The following KCND2 variants were observed in gnomAD, a reference collection of about 807,000 sequenced individuals.
The protein encoded by KCND2 is A-type voltage-gated potassium channel KCND2.
A neutral mutation model predicts 54.4 loss-of-function variants in KCND2; 16 were observed. The ratio of observed to expected loss-of-function variants is 0.29; its 90% confidence interval spans 0.20 to 0.45. The LOEUF (loss-of-function observed/expected upper bound fraction) is 0.45. Among genes scored for constraint, KCND2 ranks in the 20% least tolerant of loss-of-function variants. The pLI, the probability that KCND2 is intolerant of heterozygous loss-of-function variation, is 1.00. For synonymous variants in KCND2, 317 were observed against 310.7 expected (o/e 1.02, Z -0.21); for missense variants, 486 against 824.2 (o/e 0.59, Z 5.02).
chr7:120,578,140 T>C (rs1371429017), intron 1 of KCND2, among the ~76,000 whole-genome samples: 6 of 151,846 alleles, frequency 4.0e-5, no homozygotes. Context: ...GAAGAAAAAT[T>C]AGCCTGATGC....
At chr7:120,394,385 C>T (rs1037087656) in intron 1 of KCND2, among the ~76,000 whole-genome samples, 1 of 151,898 alleles carries the variant, frequency 6.6e-6, no homozygotes, top group Non-Finnish European at 1.5e-5. Context: ...CTGATGGGGT[C>T]AGCCTGAAAA....
At chr7:120,622,587 A>G (rs149797693) in intron 1 of KCND2, among the ~76,000 whole-genome samples, 1 of 152,100 alleles carries the variant, frequency 6.6e-6, no homozygotes, top group African/African-American at 2.4e-5. Context: ...TCAAGGAGTT[A>G]TAGCAGAATC....
chr7:120,536,300 A>C (rs1307133604), intron 1 of KCND2, among the ~76,000 whole-genome samples: 1 of 152,126 alleles, frequency 6.6e-6, no homozygotes, highest in Non-Finnish European at 1.5e-5. Context: ...AGTGAGTCTT[A>C]ATCTTTTTAC....
chr7:120,304,491 C>T (rs1258843501), intron 1 of KCND2, among the ~76,000 whole-genome samples: 1 of 152,146 alleles, frequency 6.6e-6, no homozygotes, highest in Non-Finnish European at 1.5e-5. Context: ...CATCAATCAC[C>T]TGGGAACTTG....
In KCND2 at chr7:120,297,056, T is replaced by G. The variant is rs189458207; in HGVS notation, c.1115+21309T>G. On this transcript the variant is annotated intron_variant, in intron 1 of 5. Transcript: ENST00000331113. ...ATTTGTATAATTTTATAGGTACAAG[T>G]GTGATTTTGTTACACGGATATATTG... 2.6e-5 allele frequency among the ~76,000 whole-genome samples: 4 copies of G among 152,192 alleles called. No individual in the cohort carries two copies. In the East Asian group the frequency reaches 7.7e-4, roughly 29 times the overall value.
intron 1 of KCND2, among the ~76,000 whole-genome samples, chr7:120,441,780 T>A (rs1344534439): frequency 1.3e-5 from 2 of 152,066 alleles, no homozygotes; most frequent in Non-Finnish European, 2.9e-5. Context: ...AATATGCTTA[T>A]CGGAGATAAA....
At chr7:120,585,073 C>T (rs1469439651) in intron 1 of KCND2, among the ~76,000 whole-genome samples, 1 of 152,046 alleles carries the variant, frequency 6.6e-6, no homozygotes, top group African/African-American at 2.4e-5. Flanking sequence ...GAAGGCATCT[C>T]GTAGTTCCTG....
chr7:120,635,523 A>G (rs564775836), intron 1 of KCND2, among the ~76,000 whole-genome samples: 4 of 152,350 alleles, frequency 2.6e-5, no homozygotes, highest in African/African-American at 4.8e-5. Context: ...GTTAAAATGT[A>G]AAAGATTGAA....
At chr7:120,480,686 A>G (rs73724216) in intron 1 of KCND2, among the ~76,000 whole-genome samples, 2,701 of 152,230 alleles carry the variant, frequency 0.018, 68 homozygotes, top group African/African-American at 0.062. Context: ...CCTGTTTTCC[A>G]CCATGGGATG....
intron 1 of KCND2, among the ~76,000 whole-genome samples, chr7:120,682,052 G>C (rs1792146105): frequency 6.6e-6 from 1 of 151,490 alleles, no homozygotes; most frequent in Non-Finnish European, 1.5e-5. Context: ...AATTGTAGTT[G>C]ATTGTCTCTT....
chr7:120,383,299 G>A (rs1007410784), intron 1 of KCND2, among the ~76,000 whole-genome samples: 1 of 151,776 alleles, frequency 6.6e-6, no homozygotes, highest in Admixed American at 6.6e-5. Flanking sequence ...AGGCTGCAAA[G>A]GTTGCCTTTC....
intron 1 of KCND2, among the ~76,000 whole-genome samples, chr7:120,353,146 T>A (rs528737427): frequency 2.7e-5 from 4 of 147,180 alleles, no homozygotes; most frequent in African/African-American, 9.9e-5. Flanking sequence ...TTTTTTTTTT[T>A]TTTTTTTTTT....
intron 1 of KCND2, among the ~76,000 whole-genome samples, chr7:120,632,201 A>T (rs1394837844): frequency 6.6e-6 from 1 of 152,210 alleles, no homozygotes; most frequent in Non-Finnish European, 1.5e-5. Flanking sequence ...TTAAAAAAAG[A>T]TGGTACAGAA....
At chr7:120,329,288 A>AT (rs1246271875) in intron 1 of KCND2, among the ~76,000 whole-genome samples, 19 of 151,736 alleles carry the variant, frequency 1.3e-4, no homozygotes, top group Non-Finnish European at 1.6e-4. Flanking sequence ...TGCCCAGCTA[A>AT]TTTTTTGTAT....
At chr7:120,490,045 C>T (rs1251242614) in intron 1 of KCND2, among the ~76,000 whole-genome samples, 2 of 152,122 alleles carry the variant, frequency 1.3e-5, no homozygotes, top group African/African-American at 4.8e-5. Flanking sequence ...TAGGCTTTCT[C>T]AGAGTGGCCT....
chr7:120,301,236 T>C (rs1799581943), intron 1 of KCND2, among the ~76,000 whole-genome samples: 1 of 152,174 alleles, frequency 6.6e-6, no homozygotes, highest in East Asian at 1.9e-4. Flanking sequence ...AATATTACTA[T>C]AGTTATCTTC....
intron 1 of KCND2, among the ~76,000 whole-genome samples, chr7:120,708,037 A>T (rs1233488056): frequency 6.6e-6 from 1 of 152,132 alleles, no homozygotes; most frequent in African/African-American, 2.4e-5. Context: ...GCAAGATGAT[A>T]CAAGAGGTTT....
chr7:120,450,181 G>A (rs1202084574), intron 1 of KCND2, among the ~76,000 whole-genome samples: 1 of 152,138 alleles, frequency 6.6e-6, no homozygotes, highest in Non-Finnish European at 1.5e-5. Flanking sequence ...TTGAGGCCGA[G>A]GCGGGTGGAT....
intron 1 of KCND2, among the ~76,000 whole-genome samples, chr7:120,589,017 A>G (rs1244269001): frequency 2.0e-5 from 3 of 152,220 alleles, no homozygotes; most frequent in Admixed American, 6.5e-5. Flanking sequence ...CATTAACCAA[A>G]AAAGCCAGAC....
Sources: gnomAD v4.1 joint callset for allele counts (sites outside exome capture counted in the v4.1 genomes callset) on GRCh38, gnomAD v4.1.1 for gene constraint, MANE v1.5 for transcripts, NCBI Gene and HGNC (gene_info 2026-07-23, HGNC 2026-07-21) for gene names.